UBR2: variants seen among roughly 807,000 people sequenced by gnomAD.
UBR2 encodes the protein ubiquitin protein ligase E3 component n-recognin 2.
UBR2 carries 92 observed loss-of-function variants against 247.9 expected under a neutral mutation model. The observed-to-expected ratio is 0.37, with a 90% CI of 0.31 to 0.44. The LOEUF (loss-of-function observed/expected upper bound fraction) is 0.44. UBR2 is among the 20% of genes least tolerant of loss of function. UBR2 has a pLI of 1.00. For missense variants in UBR2, 1,613 were observed against 2,112.6 expected (o/e 0.76, Z 4.64); for synonymous variants, 672 against 693.5 (o/e 0.97, Z 0.49).
intron 41 of UBR2, among the ~76,000 whole-genome samples, 163 bp from the exon 42 acceptor site, chr6:42,679,561 A>G (rs535966753): frequency 3.0e-4 from 45 of 152,374 alleles, no homozygotes; most frequent in African/African-American, 1.1e-3. Flanking sequence ...GTCATTTTCC[A>G]TGGATTCCTT....
At chr6:42,589,465 T>C in intron 2 of UBR2, among the ~76,000 whole-genome samples, 1 of 152,232 alleles carries the variant, frequency 6.6e-6, no homozygotes, top group East Asian at 1.9e-4. Flanking sequence ...GTCTGTATTT[T>C]TCTTGAATTG....
intron 39 of UBR2, 133 bp downstream of exon 39, chr6:42,676,324 A>G (rs2144083): frequency 0.91 from 867,142 of 955,838 alleles, 394,104 homozygotes; most frequent in East Asian, 1. Flanking sequence ...GTGTATCTTC[A>G]TATGAAAAGT....
At chr6:42,615,980 T>G (rs180841724) in intron 9 of UBR2, 22 bp from the exon 10 acceptor site, 10 of 1,532,556 alleles carry the variant, frequency 6.5e-6, no homozygotes, top group Non-Finnish European at 8.8e-6. Flanking sequence ...CCTTATCTTA[T>G]ACCGTGATCT....
At chr6:42,679,877 G>A in intron 42 of UBR2, 45 bp downstream of exon 42, 1 of 1,400,864 alleles carries the variant, frequency 7.1e-7, no homozygotes, top group South Asian at 1.3e-5. Context: ...TAGCTCTATG[G>A]AACCAAACTT....
chr6:42,585,264 A>AT (rs1205309362), intron 2 of UBR2, among the ~76,000 whole-genome samples: 3 of 151,848 alleles, frequency 2.0e-5, no homozygotes, highest in South Asian at 2.1e-4. Context: ...GATTTTTCAC[A>AT]TTTTTTTATT....
intron 31 of UBR2, 87 bp from the exon 32 acceptor site, chr6:42,663,171 A>G (rs1437044795): frequency 8.7e-7 from 1 of 1,148,110 alleles, no homozygotes; most frequent in Non-Finnish European, 1.2e-6. Flanking sequence ...TATTTGTGGA[A>G]ACAAATTATT....
intron 44 of UBR2, among the ~76,000 whole-genome samples, chr6:42,686,951 A>G (rs1191556691): frequency 6.8e-6 from 1 of 147,414 alleles, no homozygotes; most frequent in Non-Finnish European, 1.5e-5. Flanking sequence ...GGCGCTCCCC[A>G]CATCCCAGAC....
intron 31 of UBR2, 47 bp from the exon 32 acceptor site, chr6:42,663,211 A>T (rs373365814): frequency 2.1e-6 from 3 of 1,432,718 alleles, no homozygotes; most frequent in Admixed American, 2.5e-5. Flanking sequence ...GCTGTCATTT[A>T]TGTAAATTAC....
chr6:42,676,878 G>A lies in UBR2; in HGVS notation c.4478+5G>A, dbSNP rs1038707460. 2 of 1,606,582 alleles carry A rather than the reference G, an allele frequency of 1.2e-6. No homozygotes were observed. The highest frequency in any genetic ancestry group is 1.3e-5 in the African/African-American group (1 of 74,864). ...ACTTCACCAGTATACGGGAAGGTGA[G>A]TTAGTTATCTTTACATAACGCATTT... On this transcript the variant is annotated splice_donor_5th_base_variant and intron_variant, in intron 40 of 46. Transcript: ENST00000372901.
intron 8 of UBR2, among the ~76,000 whole-genome samples, chr6:42,614,217 T>C (rs865809068): frequency 0.01 from 620 of 61,794 alleles, 23 homozygotes; most frequent in African/African-American, 0.035. Flanking sequence ...TATATATATA[T>C]ACACACACAC....
At chr6:42,572,145 T>C (rs1486064107) in intron 1 of UBR2, among the ~76,000 whole-genome samples, 1 of 152,216 alleles carries the variant, frequency 6.6e-6, no homozygotes, top group Non-Finnish European at 1.5e-5. Context: ...CCTACTTGCA[T>C]AATGTAAACA....
chr6:42,617,369 G>A (rs763008563), intron 10 of UBR2, 40 bp from the exon 11 acceptor site: 2 of 1,613,866 alleles, frequency 1.2e-6, no homozygotes, highest in East Asian at 2.2e-5. Context: ...CTTTGTAACT[G>A]ATAGCTGGCA....
At position 42,623,544 on chromosome 6, in the gene UBR2, C is replaced by T. The variant is rs372207733; in HGVS notation, c.1281+6037C>T. On this transcript the variant is annotated intron_variant, in intron 11 of 46. Transcript: ENST00000372901. Reference sequence around the variant, plus strand: ...TCAGCTCACTACAACCTCCGCCTTCCGGGTTCAAGCGATTCTTCTGCCTCA... The same window carrying T: ...TCAGCTCACTACAACCTCCGCCTTCTGGGTTCAAGCGATTCTTCTGCCTCA... Among the ~76,000 whole-genome samples the T allele has an allele frequency of 4.4e-4, 67 of 152,064 alleles. 1 individual carries two copies. Among genetic ancestry groups the T allele is most frequent in the Middle Eastern group, 3.4e-3 (1 of 294 alleles).
intron 4 of UBR2, among the ~76,000 whole-genome samples, chr6:42,598,201 G>C (rs62414617): frequency 0.074 from 11,248 of 151,898 alleles, 507 homozygotes; most frequent in South Asian, 0.12. Flanking sequence ...ACCTGTTCTT[G>C]TGTCTGTTTT....
At chr6:42,635,675 T>C in intron 14 of UBR2, 129 bp downstream of exon 14, 1 of 1,139,790 alleles carries the variant, frequency 8.8e-7, no homozygotes, top group Non-Finnish European at 1.2e-6. Context: ...CAGCGTATTT[T>C]CCTTCTCCAC....
chr6:42,584,339 T>C (rs1037829705), intron 2 of UBR2, among the ~76,000 whole-genome samples: 2 of 152,156 alleles, frequency 1.3e-5, no homozygotes, highest in Non-Finnish European at 2.9e-5. Context: ...AACCATAAAG[T>C]GTGGGTCCAT....
At chr6:42,614,642 A>G (rs904022155) in intron 8 of UBR2, among the ~76,000 whole-genome samples, 4 of 152,172 alleles carry the variant, frequency 2.6e-5, no homozygotes, top group Non-Finnish European at 4.4e-5. Flanking sequence ...ATGCATTGCT[A>G]TATATTATAA....
rs184206786 is a variant in UBR2 at position 42,576,913 on chromosome 6, C to T, written c.338+2920C>T. On this transcript the variant is annotated intron_variant, in intron 2 of 46. Transcript: ENST00000372901. ...GTGGGGGTCCCACAAATAACAGAGACACTCTGATCACATAAGTAATGCCAG... is the reference window on the plus strand; with the variant it reads ...GTGGGGGTCCCACAAATAACAGAGATACTCTGATCACATAAGTAATGCCAG... Among the ~76,000 whole-genome samples the T allele has an allele frequency of 1.9e-3, 286 of 152,236 alleles. 1 individual carries two copies. The highest frequency in any genetic ancestry group is 2.0e-3 in the Non-Finnish European group (139 of 68,018).
chr6:42,661,582 T>C (rs1178216655), intron 30 of UBR2, among the ~76,000 whole-genome samples: 1 of 152,224 alleles, frequency 6.6e-6, no homozygotes, highest in Non-Finnish European at 1.5e-5. Context: ...TTTTTCATGA[T>C]TTTTCATCCC....
Sources: allele counts gnomAD v4.1 joint callset (sites outside exome capture counted in the v4.1 genomes callset), GRCh38; gene constraint gnomAD v4.1.1; transcripts MANE v1.5; gene names NCBI Gene and HGNC (gene_info 2026-07-23, HGNC 2026-07-21).